Variants in LRRK2 observed in about 807,000 individuals in gnomAD.
LRRK2 encodes the protein leucine-rich repeat serine/threonine-protein kinase 2.
LRRK2 carries 203 observed loss-of-function variants against 302.6 expected under a neutral mutation model. That is an observed-to-expected ratio of 0.67 (90% CI 0.60 to 0.75). The LOEUF (loss-of-function observed/expected upper bound fraction) is 0.75. LRRK2 is among the 30% of genes least tolerant of loss of function. The probability of loss-of-function intolerance (pLI) is 0.00; values close to 1 mark genes in which losing one functional copy is unlikely to be tolerated. For missense variants in LRRK2, 2,830 were observed against 2,951.0 expected (o/e 0.96, Z 0.95); for synonymous variants, 1,066 against 1,031.9 (o/e 1.03, Z -0.63).
intron 46 of LRRK2, among the ~76,000 whole-genome samples, chr12:40,357,346 T>C (rs1255218200): frequency 7.6e-6 from 1 of 131,056 alleles, no homozygotes; most frequent in Non-Finnish European, 1.7e-5. Context: ...CATTCATGGG[T>C]GCTTAGGTTG....
At chr12:40,294,731 T>C in intron 21 of LRRK2, 114 bp from the exon 22 acceptor site, 1 of 593,752 alleles carries the variant, frequency 1.7e-6, no homozygotes, top group Non-Finnish European at 2.9e-6. Context: ...GCCTATTTTT[T>C]CCCATAATTA....
intron 13 of LRRK2, 103 bp downstream of exon 13, chr12:40,259,707 T>C: frequency 7.0e-7 from 1 of 1,424,986 alleles, no homozygotes; most frequent in Admixed American, 1.7e-5. Context: ...GACTAGTTTC[T>C]GTCGACTAAA....
intron 39 of LRRK2, among the ~76,000 whole-genome samples, chr12:40,329,889 A>G (rs973638865): frequency 6.6e-6 from 1 of 152,124 alleles, no homozygotes; most frequent in Non-Finnish European, 1.5e-5. Context: ...GATTATATAC[A>G]TATATTTTTA....
At chr12:40,331,301 T>C (rs1224308484) in intron 39 of LRRK2, among the ~76,000 whole-genome samples, 3 of 152,208 alleles carry the variant, frequency 2.0e-5, no homozygotes, top group South Asian at 4.1e-4. Flanking sequence ...CATAGACTTT[T>C]AAGGGCTGCA....
Position 40,263,918 on chromosome 12 carries a change from T to C in LRRK2, c.1656+17T>C. On this transcript the variant is annotated intron_variant, in intron 14 of 50. Transcript: ENST00000298910. ...TTGAACAGGGTATGTTGAATATAAG[T>C]TTTCTGTATTTATACTATTAACTAA... 6.5e-7 allele frequency: 1 copy of C among 1,539,628 alleles called. No homozygotes were observed. Among genetic ancestry groups the C allele is most frequent in the Non-Finnish European group, 9.0e-7 (1 of 1,113,374 alleles).
Position 40,263,829 on chromosome 12 carries a change from T to C in LRRK2, c.1584T>C (p.His528=). 6.2e-7 allele frequency: 1 copy of C among 1,613,314 alleles called. No homozygotes were observed. The highest frequency in any genetic ancestry group is 8.5e-7 in the Non-Finnish European group (1 of 1,179,512). ...CCAGGGAGGATACAGAATTTCATCA[T>C]AAGCTAAATATGGTTAAAAAACAGT... ...EESREDTEFH[H]KLNMVKKQCF... Residue 528 remains histidine, a synonymous_variant, in exon 14 of 51, where the codon CAT becomes CAC. Transcript: ENST00000298910.
chr12:40,304,161 A>G lies in LRRK2; in HGVS notation c.3777+27A>G, dbSNP rs181773426. The G allele has an allele frequency of 8.7e-6, 14 of 1,600,234 alleles. No homozygotes were observed. In the African/African-American group the frequency reaches 1.9e-4, roughly 21 times the overall value. On this transcript the variant is annotated intron_variant, in intron 27 of 50. Transcript: ENST00000298910. ...TAAGACGATTATTGCCACTTAAAAA[A>G]TATACTTTATGATTTGCATCATTAC... is the stretch of plus-strand genomic sequence containing the variant.
intron 21 of LRRK2, among the ~76,000 whole-genome samples, chr12:40,294,116 T>G (rs1196632571): frequency 1.4e-5 from 2 of 145,034 alleles, no homozygotes; most frequent in African/African-American, 5.1e-5. Context: ...AATTCATTGT[T>G]CATCTATCTA....
At chr12:40,251,197 A>G (rs1565680891) in intron 8 of LRRK2, 35 bp from the exon 9 acceptor site, 3 of 1,343,738 alleles carry the variant, frequency 2.2e-6, no homozygotes, top group South Asian at 1.3e-5. Flanking sequence ...GATAATATAT[A>G]TAATGTTTTT....
intron 2 of LRRK2, among the ~76,000 whole-genome samples, chr12:40,228,382 T>A (rs1333039903): frequency 6.6e-6 from 1 of 151,904 alleles, no homozygotes; most frequent in African/African-American, 2.4e-5. Flanking sequence ...CATTTGTCTG[T>A]CTTCTTTTGA....
intron 25 of LRRK2, chr12:40,300,896 G>T (rs937442485): frequency 6.4e-6 from 3 of 471,030 alleles, no homozygotes; most frequent in African/African-American, 4.0e-5. Context: ...TGACATTTAA[G>T]TTGGGTCTGG....
At chr12:40,241,130 G>A (rs751546304) in intron 6 of LRRK2, among the ~76,000 whole-genome samples, 6 of 152,206 alleles carry the variant, frequency 3.9e-5, no homozygotes, top group African/African-American at 7.2e-5. Flanking sequence ...CTCAGTAAAG[G>A]TGTGGGGTTA....
chr12:40,345,619 T>A (rs11832935), intron 41 of LRRK2, among the ~76,000 whole-genome samples: 61,778 of 106,922 alleles, frequency 0.58, 15,404 homozygotes, highest in South Asian at 0.66. Context: ...TGAGACTCCA[T>A]CTCAAAAAAA....
chr12:40,250,682 CA>C (rs1942223877), intron 8 of LRRK2, among the ~76,000 whole-genome samples: 2 of 152,146 alleles, frequency 1.3e-5, no homozygotes, highest in African/African-American at 4.8e-5. Flanking sequence ...TAACAGGCCC[CA>C]GTGTGTATTG....
rs199626996 is a variant in LRRK2, at chr12:40,243,677, A to G, written c.834A>G (p.Thr278=). Residue 278 remains threonine (T), a synonymous_variant, in exon 7 of 51, where the codon ACA becomes ACG. Transcript: ENST00000298910. ...EVSCCLLHRL[T]LGNFFNILVL... ...GTTGCTGTTTGCTCCATAGGCTTACATTAGGTGAGTTTCTTAGTTAATATG... is the reference window on the plus strand; with the variant it reads ...GTTGCTGTTTGCTCCATAGGCTTACGTTAGGTGAGTTTCTTAGTTAATATG... The G allele has an allele frequency of 1.1e-4, 182 of 1,611,326 alleles. 2 individuals are homozygous for G. In the South Asian group the frequency reaches 1.8e-3, roughly 16 times the overall value.
rs200827521 is a variant in LRRK2 at position 40,351,584 on chromosome 12, C to T, written c.6427C>T (p.Arg2143Cys). ...AGCTGAATTAGTCTGTCTGACGAGA[C>T]GCATTTTATTACCTAAAAACGTAAT... ...NSAELVCLTR[R>C]ILLPKNVIVE... The change falls in exon 44 of 51, where the codon CGC (arginine) becomes TGC (cysteine). Residue 2143 changes from arginine (R) to cysteine (C), a missense_variant. Transcript: ENST00000298910. 70 of 1,613,968 alleles carry T rather than the reference C, an allele frequency of 4.3e-5. No homozygotes were observed. The highest frequency in any genetic ancestry group is 1.2e-4 in the Admixed American group (7 of 60,000).
rs184894955 is a variant in LRRK2, at chr12:40,258,269, T to C, written c.1418+892T>C. 4.8e-4 allele frequency among the ~76,000 whole-genome samples: 73 copies of C among 152,346 alleles called. 1 individual carries two copies. The highest frequency in any genetic ancestry group is 6.0e-4 in the Non-Finnish European group (41 of 68,028). On this transcript the variant is annotated intron_variant, in intron 12 of 50. Coordinates refer to ENST00000298910, the MANE Select transcript of LRRK2 (RefSeq NM_198578.4). ...AATGAAGTGCATATAGCATGAAATGTAGCGTAACTGCAGACTTGTAAGAAG... is the reference window on the plus strand; with the variant it reads ...AATGAAGTGCATATAGCATGAAATGCAGCGTAACTGCAGACTTGTAAGAAG...
chr12:40,231,390 C>A (rs146991386), intron 2 of LRRK2, among the ~76,000 whole-genome samples: 470 of 106,598 alleles, frequency 4.4e-3, no homozygotes, highest in Non-Finnish European at 5.3e-3. Context: ...CCTGTCTTCA[C>A]AAAAAAAAAA....
intron 3 of LRRK2, chr12:40,232,697 C>T (rs1188813115): frequency 4.8e-6 from 1 of 206,334 alleles, no homozygotes; most frequent in Non-Finnish European, 9.8e-6. Flanking sequence ...GAGATTTTGG[C>T]TTTTAATAAT....
Sources: gnomAD v4.1 joint callset for allele counts (sites outside exome capture counted in the v4.1 genomes callset) on GRCh38, gnomAD v4.1.1 for gene constraint, MANE v1.5 for transcripts, NCBI Gene and HGNC (gene_info 2026-07-23, HGNC 2026-07-21) for gene names.